The following MEGF11 variants were observed in gnomAD, a reference collection of about 807,000 sequenced individuals.
MEGF11 encodes multiple EGF like domains 11, also known as multiple epidermal growth factor-like domains protein 11.
Under a neutral mutation model 146.6 loss-of-function variants are expected in MEGF11, and 126 were observed. That is an observed-to-expected ratio of 0.86 (90% CI 0.74 to 1.00). MEGF11 has a LOEUF of 1.00. Among genes scored for constraint, MEGF11 ranks in the 50% least tolerant of loss-of-function variants. The pLI, the probability that MEGF11 is intolerant of heterozygous loss-of-function variation, is 0.00. For synonymous variants in MEGF11, 532 were observed against 583.4 expected (o/e 0.91, Z 1.27); for missense variants, 1,509 against 1,521.2 (o/e 0.99, Z 0.13).
chr15:66,148,881 C>T (rs1567263839), intron 1 of MEGF11, among the ~76,000 whole-genome samples: 1 of 152,188 alleles, frequency 6.6e-6, no homozygotes, highest in Non-Finnish European at 1.5e-5. Flanking sequence ...CCCTAGGGTC[C>T]CCCAAATGGC....
chr15:66,223,878 G>A (rs2091789778), intron 1 of MEGF11, among the ~76,000 whole-genome samples: 2 of 152,302 alleles, frequency 1.3e-5, no homozygotes, highest in African/African-American at 4.8e-5. Flanking sequence ...GAAGGACTGA[G>A]CCCCAGTGGC....
intron 10 of MEGF11, among the ~76,000 whole-genome samples, chr15:65,937,327 TAG>T (rs1175893971): frequency 6.6e-6 from 1 of 152,186 alleles, no homozygotes; most frequent in East Asian, 1.9e-4. Flanking sequence ...GTGCTTTGCT[TAG>T]CCTAGCAACT....
chr15:65,911,534 C>T (rs951800390), intron 21 of MEGF11, among the ~76,000 whole-genome samples: 1 of 152,188 alleles, frequency 6.6e-6, no homozygotes, highest in African/African-American at 2.4e-5. Context: ...GCCTCAGCCT[C>T]GCAAGTAGCT....
At position 66,155,694 on chromosome 15, in the gene MEGF11, T is replaced by C. The variant is rs140278520; in HGVS notation, c.-8-27283A>G. ...CCTCTTTCAACCTCTCCAATTTCAG[T>C]GACTTGGGCCAAGAAACTTAGCCTT... is the stretch of plus-strand genomic sequence containing the variant. On this transcript the variant is annotated intron_variant, in intron 1 of 25. Transcript: ENST00000395614. Among the ~76,000 whole-genome samples, 372 of 152,278 alleles carry C rather than the reference T, an allele frequency of 2.4e-3. 1 individual carries two copies. Among genetic ancestry groups the C allele is most frequent in the African/African-American group, 8.7e-3 (363 of 41,566 alleles).
chr15:66,083,067 G>T (rs567555259), intron 5 of MEGF11, among the ~76,000 whole-genome samples: 9 of 152,130 alleles, frequency 5.9e-5, no homozygotes, highest in Middle Eastern at 3.2e-3. Flanking sequence ...GTCCAGGGGC[G>T]CCTGAGACAG....
At chr15:65,964,780 G>C (rs1032266883) in intron 9 of MEGF11, 128 bp downstream of exon 9, 4 of 870,404 alleles carry the variant, frequency 4.6e-6, no homozygotes, top group South Asian at 3.6e-5. Context: ...TCAGTGCTGA[G>C]GTCCTAGCCC....
At chr15:65,914,165 A>G in intron 19 of MEGF11, 192 bp from the exon 20 acceptor site, 1 of 591,092 alleles carries the variant, frequency 1.7e-6, no homozygotes, top group Non-Finnish European at 3.0e-6. Context: ...ATGGAGTCTC[A>G]GGGTCATGAC....
At chr15:66,252,316 C>A (rs959213260) in intron 1 of MEGF11, among the ~76,000 whole-genome samples, 5 of 151,692 alleles carry the variant, frequency 3.3e-5, no homozygotes, top group Non-Finnish European at 7.4e-5. Flanking sequence ...GCGCGAGGAC[C>A]CCTGCCCAAG....
intron 1 of MEGF11, among the ~76,000 whole-genome samples, chr15:66,239,739 T>C (rs1033533083): frequency 6.6e-6 from 1 of 152,232 alleles, no homozygotes; most frequent in African/African-American, 2.4e-5. Flanking sequence ...GAGCACTGGA[T>C]GCTGTCATGA....
At chr15:66,153,325 A>G (rs7174519) in intron 1 of MEGF11, among the ~76,000 whole-genome samples, 36,401 of 152,150 alleles carry the variant, frequency 0.24, 5,239 homozygotes, top group East Asian at 0.66. Context: ...CTGTAATCCC[A>G]GCACTTTGGG....
At chr15:66,180,283 C>T (rs1230802546) in intron 1 of MEGF11, among the ~76,000 whole-genome samples, 1 of 152,224 alleles carries the variant, frequency 6.6e-6, no homozygotes, top group Non-Finnish European at 1.5e-5. Flanking sequence ...AGTGAGGTTC[C>T]AGGCAGCTGC....
chr15:66,204,977 GA>G (rs1245430629), intron 1 of MEGF11, among the ~76,000 whole-genome samples: 7 of 121,816 alleles, frequency 5.7e-5, no homozygotes, highest in Non-Finnish European at 1.0e-4. Flanking sequence ...TCCTTGGGTT[GA>G]ATTTTTTTTT....
chr15:65,971,572 C>T (rs1203233922), intron 7 of MEGF11, among the ~76,000 whole-genome samples: 2 of 152,254 alleles, frequency 1.3e-5, no homozygotes, highest in Admixed American at 6.5e-5. Flanking sequence ...CTGCTGCGCT[C>T]CTAAAGGCTG....
At chr15:66,097,935 C>T (rs974315001) in intron 4 of MEGF11, among the ~76,000 whole-genome samples, 1 of 152,114 alleles carries the variant, frequency 6.6e-6, no homozygotes, top group Non-Finnish European at 1.5e-5. Context: ...CTCCCTCCCT[C>T]CTCAGGGTCT....
intron 7 of MEGF11, among the ~76,000 whole-genome samples, chr15:65,976,478 A>T (rs1364547686): frequency 1.3e-5 from 2 of 152,244 alleles, no homozygotes; most frequent in Non-Finnish European, 2.9e-5. Flanking sequence ...ATGTCCTTAC[A>T]AGAAGAGGAG....
Position 65,957,281 on chromosome 15 carries a change from A to T in MEGF11, c.1287+266T>A, listed in dbSNP as rs371080914. On this transcript the variant is annotated intron_variant, in intron 10 of 25. Transcript: ENST00000395614. ...ATGTAAAAATATTGTGTGCATAAGG[A>T]TATGGACAGGCAGGAGCTGGGCACA... Among the ~76,000 whole-genome samples, 23 of 152,336 alleles carry T rather than the reference A, an allele frequency of 1.5e-4. 1 individual carries two copies. The South Asian group carries it at 3.3e-3, about 22-fold the overall frequency.
At chr15:65,930,027 T>C (rs1427865611) in intron 11 of MEGF11, 144 bp from the exon 12 acceptor site, 13 of 833,426 alleles carry the variant, frequency 1.6e-5, no homozygotes, top group Non-Finnish European at 1.6e-5. Context: ...CCACACAGAG[T>C]TCAGAAATAC....
intron 1 of MEGF11, among the ~76,000 whole-genome samples, chr15:66,211,010 C>T (rs777971310): frequency 3.3e-5 from 5 of 152,090 alleles, no homozygotes; most frequent in Non-Finnish European, 5.9e-5. Context: ...TGCTCTGGAC[C>T]AGCTGCCCTC....
intron 5 of MEGF11, among the ~76,000 whole-genome samples, chr15:66,048,152 G>A (rs559295187): frequency 3.0e-4 from 45 of 152,122 alleles, no homozygotes; most frequent in Non-Finnish European, 5.6e-4. Flanking sequence ...CACCATGTTG[G>A]CCAGGCTGCT....
Sources: allele counts gnomAD v4.1 joint callset (sites outside exome capture counted in the v4.1 genomes callset), GRCh38; gene constraint gnomAD v4.1.1; transcripts MANE v1.5; gene names NCBI Gene and HGNC (gene_info 2026-07-23, HGNC 2026-07-21).